CHD9: variants seen among roughly 807,000 people sequenced by gnomAD.
CHD9 encodes the protein chromodomain helicase DNA binding protein 9, also known as ATP-dependent chromatin remodeler CHD9.
Under a neutral mutation model 316.1 loss-of-function variants are expected in CHD9, and 77 were observed. The ratio of observed to expected loss-of-function variants is 0.24; its 90% CI spans 0.20 to 0.29. The LOEUF (loss-of-function observed/expected upper bound fraction) is 0.29. CHD9 is among the 10% of genes least tolerant of loss of function. CHD9 has a pLI of 1.00. For synonymous variants in CHD9, 1,129 were observed against 1,158.3 expected, an observed-to-expected ratio of 0.97 and a Z score of 0.51; for missense variants, 2,763 against 3,438.1, an observed-to-expected ratio of 0.80 and a Z score of 4.91.
intron 1 of CHD9, among the ~76,000 whole-genome samples, chr16:53,107,815 G>A (rs56285139): frequency 0.019 from 2,903 of 152,290 alleles, 55 homozygotes; most frequent in Non-Finnish European, 0.028. Context: ...CAGTGAGGAC[G>A]TAGCAATGAA....
At chr16:53,088,983 G>A (rs866910518) in intron 1 of CHD9, among the ~76,000 whole-genome samples, 17 of 152,050 alleles carry the variant, frequency 1.1e-4, no homozygotes, top group African/African-American at 3.9e-4. Flanking sequence ...ATGGTGATGC[G>A]TGCCTGTAGT....
chr16:53,159,100 C>T (rs1229451514), intron 2 of CHD9, among the ~76,000 whole-genome samples: 1 of 152,052 alleles, frequency 6.6e-6, no homozygotes, highest in Non-Finnish European at 1.5e-5. Flanking sequence ...TGTAACGATA[C>T]TCTGTCTCTA....
intron 17 of CHD9, among the ~76,000 whole-genome samples, chr16:53,251,520 G>T (rs1054161836): frequency 2.6e-5 from 4 of 152,100 alleles, no homozygotes; most frequent in Admixed American, 2.6e-4. Flanking sequence ...TACAGTCCTG[G>T]GTTCCAAATG....
chr16:53,131,506 A>G (rs1022758470), intron 1 of CHD9, among the ~76,000 whole-genome samples: 1 of 149,492 alleles, frequency 6.7e-6, no homozygotes, highest in South Asian at 2.1e-4. Flanking sequence ...CGCGCCTGTC[A>G]TGGCTGCGGG....
chr16:53,090,281 C>T (rs4784291), intron 1 of CHD9, among the ~76,000 whole-genome samples: 1 of 151,944 alleles, frequency 6.6e-6, no homozygotes, highest in South Asian at 2.1e-4. Flanking sequence ...ACAAAATGAG[C>T]TTCCTGACCG....
At chr16:53,318,478 A>C in intron 37 of CHD9, 138 bp downstream of exon 37, 1 of 651,130 alleles carries the variant, frequency 1.5e-6, no homozygotes, top group Non-Finnish European at 2.5e-6. Context: ...GAGGGAAGAC[A>C]TGCAGTATAA....
chr16:53,294,475 T>C (rs762497925), intron 29 of CHD9, among the ~76,000 whole-genome samples: 9 of 152,346 alleles, frequency 5.9e-5, no homozygotes, highest in Non-Finnish European at 1.2e-4. Flanking sequence ...CTCCCAATTC[T>C]GTGAGTTGAC....
chr16:53,313,712 AGGCCG>A (rs1264741248), intron 34 of CHD9, among the ~76,000 whole-genome samples: 1 of 151,940 alleles, frequency 6.6e-6, no homozygotes, highest in African/African-American at 2.4e-5. Context: ...TGGGAGGCCG[AGGCCG>A]AGGCCGGTGG....
intron 1 of CHD9, among the ~76,000 whole-genome samples, chr16:53,119,625 G>C (rs1379168653): frequency 1.3e-5 from 2 of 152,134 alleles, no homozygotes; most frequent in Non-Finnish European, 2.9e-5. Flanking sequence ...CTGAGATCAG[G>C]AGTTCAAGAG....
chr16:53,280,690 A>G (rs1002338422), intron 24 of CHD9, among the ~76,000 whole-genome samples: 1 of 152,134 alleles, frequency 6.6e-6, no homozygotes, highest in Admixed American at 6.6e-5. Context: ...TTAAAAAAAA[A>G]AAAAGAAATT....
chr16:53,132,401 T>C (rs925961724), intron 1 of CHD9, among the ~76,000 whole-genome samples: 1 of 152,208 alleles, frequency 6.6e-6, no homozygotes, highest in Non-Finnish European at 1.5e-5. Context: ...AATCTCCAGT[T>C]CTACTTAACC....
intron 20 of CHD9, among the ~76,000 whole-genome samples, chr16:53,264,929 C>T (rs2051503250): frequency 6.6e-6 from 1 of 152,100 alleles, no homozygotes; most frequent in African/African-American, 2.4e-5. Flanking sequence ...GCCAAATCAA[C>T]AGGGCTTTGT....
rs2056220166 is a variant in CHD9 at position 53,308,854 on chromosome 16, G to T, written c.7222G>T (p.Gly2408Cys). Residue 2408 changes from glycine to cysteine, a missense_variant and splice_region_variant, in exon 34 of 39, where the codon GGT (glycine) becomes TGT (cysteine). Transcript: ENST00000447540. ...TTTCCCAAAATCCATACCAGTATCA[G>T]GTGAATATGCAAGTAATAATTGTCT... ...VNFPKSIPVS[G>C]TSIQPTLGAN... 6.2e-7 allele frequency: 1 copy of T among 1,604,022 alleles called. No individual in the cohort carries two copies. Among genetic ancestry groups the T allele is most frequent in the East Asian group, 2.2e-5 (1 of 44,620 alleles).
chr16:53,255,890 A>G, intron 19 of CHD9, 111 bp downstream of exon 19: 1 of 953,730 alleles, frequency 1.0e-6, no homozygotes, highest in East Asian at 2.4e-5. Flanking sequence ...ATTAGCCAAG[A>G]TGCAGTAGGT....
At chr16:53,228,267 T>A (rs1388203546) in intron 7 of CHD9, among the ~76,000 whole-genome samples, 1 of 152,008 alleles carries the variant, frequency 6.6e-6, no homozygotes, top group Non-Finnish European at 1.5e-5. Flanking sequence ...TCCCAGCTAT[T>A]CTGGAGGTTG....
intron 2 of CHD9, among the ~76,000 whole-genome samples, chr16:53,163,143 T>A (rs1007746851): frequency 6.7e-6 from 1 of 149,814 alleles, no homozygotes; most frequent in Non-Finnish European, 1.5e-5. Flanking sequence ...CTGTTGCTGT[T>A]GTGTTATGTA....
At chr16:53,227,312 T>G (rs2047741521) in intron 5 of CHD9, 84 bp from the exon 6 acceptor site, 1 of 788,404 alleles carries the variant, frequency 1.3e-6, no homozygotes, top group Admixed American at 2.7e-5. Context: ...TGTTGAATTG[T>G]AGTATGTTCA....
chr16:53,314,929 T>C lies in CHD9; in HGVS notation c.7469T>C (p.Ile2490Thr), dbSNP rs1409835336. The change falls in exon 36 of 39, where the codon ATT becomes ACT. Residue 2490 changes from isoleucine to threonine, a missense_variant. By Grantham distance (89) the Ile-to-Thr change is moderately conservative. Transcript: ENST00000447540. ...IPDTESPVPVINLKDGTRLAG... is the reference protein window; with the variant it reads ...IPDTESPVPVTNLKDGTRLAG... ...GATACAGAAAGTCCAGTTCCAGTTATTAATCTTAAAGATGGAACGAGACTT... is the reference window on the plus strand; with the variant it reads ...GATACAGAAAGTCCAGTTCCAGTTACTAATCTTAAAGATGGAACGAGACTT... The C allele has an allele frequency of 5.0e-5, 80 of 1,613,694 alleles. 1 individual carries two copies. Among genetic ancestry groups the C allele is most frequent in the Non-Finnish European group, 6.5e-5 (77 of 1,179,790 alleles).
In CHD9 at chr16:53,201,854, T is replaced by TTTG. The variant is rs1555507393; in HGVS notation, c.1453-7613_1453-7611dup. On this transcript the variant is annotated intron_variant, in intron 2 of 38. Transcript: ENST00000447540. ...GGGGGATCAGTTTGAGGTTTTTTTT[T>TTTG]TTGTTGTTGTTGTTGTTTTGAGACA... Among the ~76,000 whole-genome samples, 25 of 151,780 alleles carry TTTG rather than the reference T, an allele frequency of 1.6e-4. No homozygotes were observed. The East Asian group carries it at 1.9e-3, about 12-fold the overall frequency.
Sources: allele counts gnomAD v4.1 joint callset (sites outside exome capture counted in the v4.1 genomes callset), GRCh38; gene constraint gnomAD v4.1.1; transcripts MANE v1.5; gene names NCBI Gene and HGNC (gene_info 2026-07-23, HGNC 2026-07-21).